The following EML1 variants were observed in gnomAD, a reference collection of about 807,000 sequenced individuals.
EML1 encodes echinoderm microtubule-associated protein-like 1.
Under a neutral mutation model 110.4 loss-of-function variants are expected in EML1, and 27 were observed. That is an observed-to-expected ratio of 0.24 (90% CI 0.18 to 0.34). The LOEUF is 0.34. Ranked by LOEUF, EML1 falls within the 10% of genes least tolerant of loss-of-function variation. The probability of loss-of-function intolerance (pLI) is 1.00; values close to 1 mark genes in which losing one functional copy is unlikely to be tolerated. For missense variants in EML1, 741 were observed against 1,030.9 expected, an observed-to-expected ratio of 0.72 and a Z score of 3.85; for synonymous variants, 344 against 385.8, an observed-to-expected ratio of 0.89 and a Z score of 1.27.
chr14:99,753,002 C>T (rs1436926034), intron 1 of EML1, among the ~76,000 whole-genome samples: 1 of 152,080 alleles, frequency 6.6e-6, no homozygotes, highest in African/African-American at 2.4e-5. Flanking sequence ...TTTTATTCCC[C>T]GCCCTGGCAT....
At chr14:99,752,535 G>A (rs1307340178) in intron 1 of EML1, among the ~76,000 whole-genome samples, 4 of 152,202 alleles carry the variant, frequency 2.6e-5, no homozygotes, top group African/African-American at 9.7e-5. Context: ...AAGTGTCCTG[G>A]TCCCCTGGGT....
At position 99,936,072 on chromosome 14, in the gene EML1, T is replaced by C. The variant is rs1488708948; in HGVS notation, c.1953T>C (p.Tyr651=). The change falls in exon 18 of 22, where the codon TAT becomes TAC. Residue 651 remains tyrosine, a synonymous_variant. Transcript: ENST00000262233. The surrounding 1 kb of genome is among the most constrained non-coding windows in gnomAD (Gnocchi z 5.5). The part of the protein sequence containing the change: ...LAIGSHDNCI[Y]IYGVSDNGRK... The stretch of plus-strand genomic sequence containing the variant: ...TAGGCTCACATGACAACTGCATCTA[T>C]ATATATGGCGTTAGTGACAACGGGA... 3 of 1,614,044 alleles carry C rather than the reference T, an allele frequency of 1.9e-6. No individual in the cohort carries two copies. The highest frequency in any genetic ancestry group is 2.5e-6 in the Non-Finnish European group (3 of 1,180,048).
chr14:99,789,541 T>C (rs1319745669), upstream of EML1, among the ~76,000 whole-genome samples: 2 of 152,232 alleles, frequency 1.3e-5, no homozygotes, highest in Non-Finnish European at 2.9e-5. Context: ...CAATGATGAC[T>C]CTTTAATTGA....
intron 1 of EML1, among the ~76,000 whole-genome samples, chr14:99,826,232 C>T (rs1169774328): frequency 6.6e-6 from 1 of 151,492 alleles, no homozygotes; most frequent in Non-Finnish European, 1.5e-5. Context: ...CCTGCCTCAG[C>T]CTCTCGAGTA....
chr14:99,872,865 T>C (rs1447198099), intron 3 of EML1, among the ~76,000 whole-genome samples: 2 of 152,218 alleles, frequency 1.3e-5, no homozygotes, highest in Admixed American at 1.3e-4. Context: ...TTGGGGCATC[T>C]GTGGTGTGTG....
Position 99,911,404 on chromosome 14 carries a change from T to G in EML1, c.1340-18T>G. Reference sequence around the variant, plus strand: ...CCTTTTGACAATGTGCTAATGATGGTTTTCTTGGTGTGTTTAGGTACAAAT... The same window carrying G: ...CCTTTTGACAATGTGCTAATGATGGGTTTCTTGGTGTGTTTAGGTACAAAT... On this transcript the variant is annotated intron_variant, in intron 12 of 21. Transcript: ENST00000262233. 1 of 1,563,774 alleles carries G rather than the reference T, an allele frequency of 6.4e-7. No individual in the cohort carries two copies. The highest frequency in any genetic ancestry group is 8.6e-7 in the Non-Finnish European group (1 of 1,163,112).
intron 17 of EML1, among the ~76,000 whole-genome samples, chr14:99,930,385 C>G (rs1053569368): frequency 2.0e-5 from 3 of 152,238 alleles, no homozygotes; most frequent in Admixed American, 2.0e-4. Flanking sequence ...AACGCAACCA[C>G]GAAGCCAAGC....
At chr14:99,834,309 C>CTT (rs71113226) in intron 1 of EML1, among the ~76,000 whole-genome samples, 7,941 of 148,444 alleles carry the variant, frequency 0.053, 301 homozygotes, top group Middle Eastern at 0.13. Flanking sequence ...AGAATGTTTC[C>CTT]TTTTTTTTTT....
chr14:99,849,640 T>C (rs1184747146), intron 1 of EML1, among the ~76,000 whole-genome samples: 2 of 150,782 alleles, frequency 1.3e-5, no homozygotes, highest in Admixed American at 6.6e-5. Flanking sequence ...TTCTGCCTCC[T>C]GGGTTCAAGT....
At chr14:99,863,890 GC>G (rs2139876739) in intron 2 of EML1, among the ~76,000 whole-genome samples, 1 of 152,342 alleles carries the variant, frequency 6.6e-6, no homozygotes, top group Non-Finnish European at 1.5e-5. Context: ...ACTATATTTA[GC>G]TTTATAAGAA....
Position 99,936,409 on chromosome 14 carries a change from G to T in EML1, c.2095+75G>T. The T allele has an allele frequency of 7.3e-7, 1 of 1,370,576 alleles. No individual in the cohort carries two copies. Among genetic ancestry groups the T allele is most frequent in the South Asian group, 1.2e-5 (1 of 82,558 alleles). The allele number at this position is 1,370,576 out of a possible 1,614,324, so 84.9% of individuals were successfully genotyped here. ...ACTCTGAGATCCAGGGGGCCTCTGT[G>T]AGAACCCACCTCCTGTATGACTTAG... On this transcript the variant is annotated intron_variant, in intron 19 of 21. Coordinates refer to ENST00000262233, the MANE Select transcript of EML1 (RefSeq NM_004434.3). The surrounding 1 kb of genome is among the most constrained non-coding windows in gnomAD (Gnocchi z 5.5).
rs202155678 is a variant in EML1, at chr14:99,920,892, C to T, written c.1909+15C>T. The stretch of plus-strand genomic sequence containing the variant: ...ATACTCACCAGGTTAGACTCCAAAC[C>T]ATTCACTACTTTATTTTTTTAATCA... On this transcript the variant is annotated intron_variant, in intron 17 of 21. Transcript: ENST00000262233. 6.3e-7 allele frequency: 1 copy of T among 1,586,730 alleles called. No individual in the cohort carries two copies. The highest frequency in any genetic ancestry group is 2.3e-5 in the East Asian group (1 of 44,338).
At chr14:99,910,423 T>C in intron 12 of EML1, 82 bp downstream of exon 12, 4 of 1,095,286 alleles carry the variant, frequency 3.7e-6, no homozygotes, top group Non-Finnish European at 5.4e-6. Flanking sequence ...GAATTGTCTA[T>C]TAATACAACG....
chr14:99,790,102 G>A (rs2057647130), upstream of EML1, among the ~76,000 whole-genome samples: 1 of 152,096 alleles, frequency 6.6e-6, no homozygotes, highest in African/African-American at 2.4e-5. Flanking sequence ...AATACTCTAG[G>A]TTAAGAGAGC....
At chr14:99,763,008 C>T (rs1566854031) in intron 1 of EML1, among the ~76,000 whole-genome samples, 1 of 152,120 alleles carries the variant, frequency 6.6e-6, no homozygotes, top group African/African-American at 2.4e-5. Flanking sequence ...GGGAGGGACT[C>T]AGTGGGAGGC....
rs553945429 is a variant in EML1 at position 99,920,143 on chromosome 14, G to A, written c.1821-646G>A. 4.6e-5 allele frequency among the ~76,000 whole-genome samples: 7 copies of A among 152,214 alleles called. No individual in the cohort carries two copies. The East Asian group carries it at 1.2e-3, about 25-fold the overall frequency. ...AGCACTTCCATGTCCATTATCATTC[G>A]ACTTTAATATTGAGCCTGCAGAGTA... is the stretch of plus-strand genomic sequence containing the variant. On this transcript the variant is annotated intron_variant, in intron 16 of 21. Transcript: ENST00000262233.
At chr14:99,915,445 C>T (rs2060018766) in intron 15 of EML1, 2 of 148,526 alleles carry the variant, frequency 1.3e-5, no homozygotes, top group African/African-American at 5.0e-5. Context: ...GTCAACATCT[C>T]TGTGAATTTT....
At position 99,801,220 on chromosome 14, in the gene EML1, G is replaced by A. The variant is rs112495189; in HGVS notation, c.67+7677G>A. 3.0e-3 allele frequency among the ~76,000 whole-genome samples: 463 copies of A among 152,344 alleles called. 2 individuals carry two copies. Among genetic ancestry groups the A allele is most frequent in the African/African-American group, 0.011 (450 of 41,594 alleles). On this transcript the variant is annotated intron_variant, in intron 1 of 21. Transcript: ENST00000262233. ...TAGGCGAATATTCATGGAGAGACTT[G>A]AGTCCGTTTGGCAAATCGGGCTGAT...
intron 1 of EML1, among the ~76,000 whole-genome samples, chr14:99,825,757 T>G (rs531503294): frequency 6.6e-6 from 1 of 152,316 alleles, no homozygotes; most frequent in African/African-American, 2.4e-5. Context: ...CCTTGCCATG[T>G]ATTTCCACTT....
Sources: gnomAD v4.1 joint callset for allele counts (sites outside exome capture counted in the v4.1 genomes callset) on GRCh38, gnomAD v4.1.1 for gene constraint, Gnocchi (gnomAD v3.1) non-coding constraint, MANE v1.5 for transcripts, NCBI Gene and HGNC (gene_info 2026-07-23, HGNC 2026-07-21) for gene names.